Variants in CATSPERE observed in about 807,000 individuals in gnomAD.
CATSPERE encodes the protein catsper channel auxiliary subunit epsilon, also known as cation channel sperm-associated auxiliary subunit epsilon.
CATSPERE carries 93 observed loss-of-function variants against 114.1 expected under a neutral mutation model. That is an observed-to-expected ratio of 0.81 (90% CI 0.69 to 0.97). The LOEUF is 0.97. CATSPERE is among the 50% of genes least tolerant of loss of function. The probability of loss-of-function intolerance (pLI) is 0.00; values close to 1 mark genes in which losing one functional copy is unlikely to be tolerated. For missense variants in CATSPERE, 1,058 were observed against 1,131.6 expected (o/e 0.93, Z 0.93); for synonymous variants, 341 against 384.1 (o/e 0.89, Z 1.31).
At chr1:244,558,503 G>A (rs1662034756) in intron 9 of CATSPERE, among the ~76,000 whole-genome samples, 1 of 151,888 alleles carries the variant, frequency 6.6e-6, no homozygotes, top group Non-Finnish European at 1.5e-5. Context: ...CTTTTCCACT[G>A]AAACCTTCAG....
chr1:244,557,725 T>C (rs1258442320), intron 9 of CATSPERE, among the ~76,000 whole-genome samples: 2 of 150,998 alleles, frequency 1.3e-5, no homozygotes, highest in Non-Finnish European at 3.0e-5. Context: ...TCATTAATCT[T>C]GGAATGTCAA....
intron 11 of CATSPERE, among the ~76,000 whole-genome samples, chr1:244,576,237 AC>A (rs1235220756): frequency 9.2e-5 from 14 of 151,496 alleles, no homozygotes; most frequent in Admixed American, 9.2e-4. Flanking sequence ...TCAATTCCTT[AC>A]CCCTGAGGCC....
chr1:244,626,620 G>A (rs1362570689), intron 20 of CATSPERE, among the ~76,000 whole-genome samples: 1 of 152,058 alleles, frequency 6.6e-6, no homozygotes, highest in Non-Finnish European at 1.5e-5. Flanking sequence ...TGGATCAGTG[G>A]CTGCAGCTTC....
intron 21 of CATSPERE, among the ~76,000 whole-genome samples, chr1:244,639,087 C>A (rs1386508871): frequency 2.0e-5 from 3 of 152,150 alleles, no homozygotes; most frequent in Non-Finnish European, 4.4e-5. Flanking sequence ...TCTGGCCCTG[C>A]CCACCTATCA....
In CATSPERE at chr1:244,583,988, A is replaced by C. The variant is rs369377595; in HGVS notation, c.2085+49A>C. 9 of 1,526,638 alleles carry C rather than the reference A, an allele frequency of 5.9e-6. No individual in the cohort carries two copies. In the African/African-American group the frequency reaches 1.2e-4, roughly 21 times the overall value. 94.6% of individuals were successfully genotyped at this position (1,526,638 alleles called of 1,614,324 possible). ...CAAATATTTCACTTCAAGAATGTAT[A>C]GGCGGTCAACCAAATAATGCATACA... On this transcript the variant is annotated intron_variant, in intron 13 of 21. Coordinates refer to ENST00000366534, the MANE Select transcript of CATSPERE (RefSeq NM_001130957.2).
intron 8 of CATSPERE, among the ~76,000 whole-genome samples, chr1:244,528,875 A>G (rs948467715): frequency 6.6e-6 from 1 of 150,658 alleles, no homozygotes; most frequent in Non-Finnish European, 1.5e-5. Context: ...TCTATGTCCA[A>G]GAGTTCAATT....
At chr1:244,487,881 A>G (rs2148205288) in intron 5 of CATSPERE, among the ~76,000 whole-genome samples, 1 of 152,266 alleles carries the variant, frequency 6.6e-6, no homozygotes, top group Middle Eastern at 3.4e-3. Context: ...ACATAATTTC[A>G]AAGATAAATT....
chr1:244,621,188 G>GATATATTTATATAA (rs1672223511), intron 20 of CATSPERE, among the ~76,000 whole-genome samples: 13 of 13,730 alleles, frequency 9.5e-4, no homozygotes, highest in Non-Finnish European at 1.6e-3. Context: ...TATTTATATA[G>GATATATTTATATAA]ATATATTTAT....
chr1:244,471,572 G>A (rs944651162), intron 2 of CATSPERE, among the ~76,000 whole-genome samples: 2 of 152,092 alleles, frequency 1.3e-5, no homozygotes, highest in African/African-American at 2.4e-5. Context: ...TGGCAGCCAC[G>A]AATCTATTTC....
intron 17 of CATSPERE, among the ~76,000 whole-genome samples, chr1:244,600,834 T>G (rs568371056): frequency 2.7e-5 from 4 of 149,764 alleles, no homozygotes; most frequent in South Asian, 2.1e-4. Context: ...TCCAGAGATA[T>G]AGGATCCTCA....
chr1:244,526,746 A>G (rs1331212389), intron 8 of CATSPERE, among the ~76,000 whole-genome samples: 1 of 151,138 alleles, frequency 6.6e-6, no homozygotes, highest in Non-Finnish European at 1.5e-5. Flanking sequence ...ACTCCTAGGT[A>G]TCGGGGGAAC....
chr1:244,524,161 C>T (rs1678116501), intron 8 of CATSPERE, among the ~76,000 whole-genome samples: 2 of 146,568 alleles, frequency 1.4e-5, no homozygotes, highest in Admixed American at 1.3e-4. Flanking sequence ...TGGAACAGAA[C>T]AGAGCCCTCA....
intron 5 of CATSPERE, among the ~76,000 whole-genome samples, chr1:244,481,014 C>A (rs547238362): frequency 6.6e-6 from 1 of 152,154 alleles, no homozygotes. Flanking sequence ...GTGGCTCATG[C>A]CTGTAGTCCC....
In CATSPERE at chr1:244,573,460, C is replaced by G. The variant is rs149384094; in HGVS notation, c.1950+688C>G. On this transcript the variant is annotated intron_variant, in intron 11 of 21. Coordinates refer to ENST00000366534, the MANE Select transcript of CATSPERE (RefSeq NM_001130957.2). The surrounding 1 kb of genome is among the most constrained non-coding windows in gnomAD (Gnocchi z 4.0). ...AACAAAACAAAAAAACCAATTCTAT[C>G]CGTCAATAGTTTGGGCTGTGAGTAG... 2.4e-3 allele frequency among the ~76,000 whole-genome samples: 341 copies of G among 143,082 alleles called. 2 individuals carry two copies. Among genetic ancestry groups the G allele is most frequent in the African/African-American group, 8.1e-3 (326 of 40,450 alleles). 93.9% of individuals were successfully genotyped at this position (143,082 alleles called of 152,430 possible). A position where few individuals can be genotyped will look rare whatever the true frequency, so the allele number is the denominator to read the frequency against.
chr1:244,614,522 A>T lies in CATSPERE; in HGVS notation c.2491-3007A>T, dbSNP rs534907777. Among the ~76,000 whole-genome samples the T allele has an allele frequency of 7.5e-3, 1,135 of 152,330 alleles. 17 individuals carry two copies. The highest frequency in any genetic ancestry group is 0.026 in the African/African-American group (1,081 of 41,562). ...CTCCTCCTTTGCTTTTTATACAAAC[A>T]TCTTCCAAACTTTTCCCAGAGGTCT... On this transcript the variant is annotated intron_variant, in intron 19 of 21. Transcript: ENST00000366534.
chr1:244,485,213 A>T (rs1670807607), intron 5 of CATSPERE, among the ~76,000 whole-genome samples: 1 of 146,902 alleles, frequency 6.8e-6, no homozygotes, highest in South Asian at 2.2e-4. Context: ...ACAGAGTCTC[A>T]CTCTGTTGCC....
chr1:244,464,199 A>G (rs977866795), intron 2 of CATSPERE, among the ~76,000 whole-genome samples: 1 of 152,192 alleles, frequency 6.6e-6, no homozygotes, highest in Non-Finnish European at 1.5e-5. Flanking sequence ...TGATGTTATT[A>G]TATAGGTAGG....
intron 7 of CATSPERE, among the ~76,000 whole-genome samples, chr1:244,499,407 T>C (rs574780946): frequency 3.9e-4 from 59 of 152,296 alleles, no homozygotes; most frequent in African/African-American, 1.4e-3. Context: ...ACATGTGCCA[T>C]GGTAGTTTGC....
At chr1:244,480,199 T>G (rs929988045) in intron 5 of CATSPERE, among the ~76,000 whole-genome samples, 1 of 152,190 alleles carries the variant, frequency 6.6e-6, no homozygotes, top group African/African-American at 2.4e-5. Context: ...ATACCTTCTT[T>G]GTATTGGATA....
Sources: gnomAD v4.1 joint callset for allele counts (sites outside exome capture counted in the v4.1 genomes callset) on GRCh38, gnomAD v4.1.1 for gene constraint, Gnocchi (gnomAD v3.1) non-coding constraint, MANE v1.5 for transcripts, NCBI Gene and HGNC (gene_info 2026-07-23, HGNC 2026-07-21) for gene names.